FBXL13: variants seen among roughly 807,000 people sequenced by gnomAD.
FBXL13 encodes the protein F-box and leucine-rich repeat protein 13.
A neutral mutation model predicts 83.6 loss-of-function variants in FBXL13; 67 were observed. The ratio of observed to expected loss-of-function variants is 0.80; its 90% CI spans 0.66 to 0.98. The LOEUF is 0.98. Ranked by LOEUF, FBXL13 falls within the 50% of genes least tolerant of loss-of-function variation. The pLI, the probability that FBXL13 is intolerant of heterozygous loss-of-function variation, is 0.00. For missense variants in FBXL13, 822 were observed against 866.5 expected (o/e 0.95, Z 0.64); for synonymous variants, 272 against 299.5 (o/e 0.91, Z 0.95).
chr7:103,035,924 G>A (rs1461229402), intron 2 of FBXL13, among the ~76,000 whole-genome samples: 2 of 152,032 alleles, frequency 1.3e-5, no homozygotes, highest in African/African-American at 2.4e-5. Flanking sequence ...TAGAATAGGG[G>A]TCTCCAACCC....
At chr7:102,889,122 TA>T (rs1811184482) in intron 11 of FBXL13, among the ~76,000 whole-genome samples, 1 of 152,058 alleles carries the variant, frequency 6.6e-6, no homozygotes, top group Non-Finnish European at 1.5e-5. Context: ...GAAGCAGGAG[TA>T]GGGGGTCTTG....
chr7:103,037,630 C>A (rs1424815696), intron 2 of FBXL13, among the ~76,000 whole-genome samples: 1 of 151,794 alleles, frequency 6.6e-6, no homozygotes, highest in Non-Finnish European at 1.5e-5. Flanking sequence ...CACAGTGAGA[C>A]TCTGTCTGTA....
intron 6 of FBXL13, among the ~76,000 whole-genome samples, chr7:103,008,937 C>T (rs1791284115): frequency 6.6e-6 from 1 of 151,978 alleles, no homozygotes; most frequent in Non-Finnish European, 1.5e-5. Context: ...ACAATAATAG[C>T]ACAATACACA....
At chr7:102,931,796 C>T in intron 9 of FBXL13, 85 bp downstream of exon 10, 1 of 1,278,462 alleles carries the variant, frequency 7.8e-7, no homozygotes, top group Non-Finnish European at 1.1e-6. Context: ...CAAATAAGCA[C>T]ACAAGCATCT....
intron 17 of FBXL13, among the ~76,000 whole-genome samples, chr7:102,852,938 C>T (rs373908804): frequency 2.0e-5 from 3 of 152,134 alleles, no homozygotes; most frequent in South Asian, 2.1e-4. Flanking sequence ...GGAACTAACC[C>T]AAATGTCCAT....
chr7:102,815,715 T>C (rs1562891981), intron 19 of FBXL13, among the ~76,000 whole-genome samples: 2 of 152,078 alleles, frequency 1.3e-5, no homozygotes, highest in South Asian at 4.1e-4. Context: ...CATCTTACCT[T>C]AATGTCAGAA....
At chr7:102,928,066 A>G (rs904812529) in intron 9 of FBXL13, among the ~76,000 whole-genome samples, 15 of 152,356 alleles carry the variant, frequency 9.8e-5, no homozygotes, top group Admixed American at 8.5e-4. Flanking sequence ...TTTATGTATC[A>G]TAAAGAAATC....
At chr7:102,969,843 G>A (rs970851669) in intron 6 of FBXL13, among the ~76,000 whole-genome samples, 1 of 138,692 alleles carries the variant, frequency 7.2e-6, no homozygotes, top group South Asian at 2.4e-4. Context: ...GGGGAGGGGA[G>A]GGGAGGGGAG....
At chr7:102,820,755 C>A (rs1321482055) in intron 19 of FBXL13, among the ~76,000 whole-genome samples, 1 of 152,174 alleles carries the variant, frequency 6.6e-6, no homozygotes, top group African/African-American at 2.4e-5. Flanking sequence ...TATCAGGAAC[C>A]CACTCCCATG....
chr7:102,900,417 G>T (rs1481211442), intron 11 of FBXL13, among the ~76,000 whole-genome samples: 1 of 151,740 alleles, frequency 6.6e-6, no homozygotes, highest in Non-Finnish European at 1.5e-5. Flanking sequence ...CTTTTTTCTT[G>T]GTCACATATA....
chr7:102,874,802 A>G (rs1329469889), intron 16 of FBXL13, among the ~76,000 whole-genome samples: 16 of 152,162 alleles, frequency 1.1e-4, no homozygotes, highest in Non-Finnish European at 1.3e-4. Flanking sequence ...CTTGGGCTCA[A>G]GTGACCCGCC....
chr7:103,072,161 C>T lies in FBXL13; in HGVS notation c.-105+2085G>A, dbSNP rs1022978599. On this transcript the variant is annotated intron_variant, in intron 1 of 19. Coordinates refer to ENST00000313221, the Ensembl canonical transcript of FBXL13. ...TGGCACCACTGCACTCTAGACTGGGCGACAGAGCTAGACTCTGTCTCAAAA... is the reference window on the plus strand; with the variant it reads ...TGGCACCACTGCACTCTAGACTGGGTGACAGAGCTAGACTCTGTCTCAAAA... Among the ~76,000 whole-genome samples, 7 of 150,540 alleles carry T rather than the reference C, an allele frequency of 4.6e-5. No homozygotes were observed. The East Asian group carries it at 5.9e-4, about 13-fold the overall frequency.
intron 16 of FBXL13, among the ~76,000 whole-genome samples, chr7:102,863,861 G>C (rs1385432188): frequency 6.6e-6 from 1 of 152,084 alleles, no homozygotes; most frequent in Non-Finnish European, 1.5e-5. Context: ...CATCGTCTAT[G>C]TCTCCTCTCT....
rs538370506 is a variant in FBXL13 at position 103,018,309 on chromosome 7, G to C, written c.495+6754C>G. Among the ~76,000 whole-genome samples, 347 of 152,192 alleles carry C rather than the reference G, an allele frequency of 2.3e-3. 1 individual carries two copies. Among genetic ancestry groups the C allele is most frequent in the Middle Eastern group, 0.02 (6 of 294 alleles). ...TGTCACCACTAGGCCTGCCTTACAA[G>C]AGCTCCTGAAGGAAGCACTAAACAC... is the stretch of plus-strand genomic sequence containing the variant. On this transcript the variant is annotated intron_variant, in intron 6 of 19. Coordinates refer to ENST00000313221, the Ensembl canonical transcript of FBXL13.
At chr7:102,994,427 G>GA (rs11404663) in intron 6 of FBXL13, among the ~76,000 whole-genome samples, 78,497 of 147,706 alleles carry the variant, frequency 0.53, 23,164 homozygotes, top group Non-Finnish European at 0.67. Context: ...TCTCCAAGAG[G>GA]AAAAAAAAAA....
chr7:102,991,426 G>A (rs1257168914), intron 6 of FBXL13, among the ~76,000 whole-genome samples: 1 of 152,222 alleles, frequency 6.6e-6, no homozygotes, highest in African/African-American at 2.4e-5. Flanking sequence ...ACAGTGGGCA[G>A]GTGGGAGGTA....
intron 17 of FBXL13, among the ~76,000 whole-genome samples, chr7:102,848,866 G>T (rs1804655912): frequency 6.6e-6 from 1 of 152,012 alleles, no homozygotes; most frequent in Non-Finnish European, 1.5e-5. Flanking sequence ...CAGGCATGAT[G>T]GTGCATGCCT....
intron 6 of FBXL13, among the ~76,000 whole-genome samples, chr7:102,987,574 G>T (rs574364375): frequency 6.6e-6 from 1 of 152,264 alleles, no homozygotes; most frequent in Admixed American, 6.5e-5. Context: ...GAATTTGGTG[G>T]ATTTAAAATA....
chr7:102,845,248 C>T (rs1222964310), intron 17 of FBXL13, among the ~76,000 whole-genome samples: 1 of 152,130 alleles, frequency 6.6e-6, no homozygotes, highest in Non-Finnish European at 1.5e-5. Context: ...CACCAAGAGT[C>T]ACCTCATTAG....
Sources: allele counts gnomAD v4.1 joint callset (sites outside exome capture counted in the v4.1 genomes callset), GRCh38; gene constraint gnomAD v4.1.1; transcripts MANE v1.5; gene names NCBI Gene and HGNC (gene_info 2026-07-23, HGNC 2026-07-21).